The following KCNQ1 variants were observed in gnomAD, a reference collection of about 807,000 sequenced individuals.
KCNQ1 encodes the protein potassium voltage-gated channel subfamily KQT member 1.
In KCNQ1, 49 loss-of-function variants were observed where a neutral mutation model predicts 72.4. That is an observed-to-expected ratio of 0.68 (90% CI 0.54 to 0.86). The LOEUF (loss-of-function observed/expected upper bound fraction) is 0.86, where lower values mean the gene tolerates loss of function less well. Ranked by LOEUF, KCNQ1 falls within the 40% of genes least tolerant of loss-of-function variation. KCNQ1 has a pLI of 0.00. For missense variants in KCNQ1, 790 were observed against 945.1 expected (o/e 0.84, Z 2.15); for synonymous variants, 450 against 412.6 (o/e 1.09, Z -1.10).
chr11:2,814,027 A>T (rs1415436971), intron 15 of KCNQ1, among the ~76,000 whole-genome samples: 1 of 148,190 alleles, frequency 6.7e-6, no homozygotes, highest in Non-Finnish European at 1.5e-5. Context: ...TGATGGATGG[A>T]TGGGTGTGTG....
intron 11 of KCNQ1, among the ~76,000 whole-genome samples, chr11:2,733,006 G>A (rs1784263473): frequency 6.6e-6 from 1 of 152,154 alleles, no homozygotes; most frequent in African/African-American, 2.4e-5. Context: ...GTCCTGGGAA[G>A]AGGGGGTCTG....
chr11:2,797,108 G>A (rs1847151588), intron 15 of KCNQ1, among the ~76,000 whole-genome samples: 1 of 152,158 alleles, frequency 6.6e-6, no homozygotes, highest in Admixed American at 6.5e-5. Flanking sequence ...AGCACCCCAG[G>A]ATTTACGAGG....
intron 1 of KCNQ1, among the ~76,000 whole-genome samples, chr11:2,489,957 A>G (rs1846807478): frequency 6.6e-6 from 1 of 152,086 alleles, no homozygotes; most frequent in African/African-American, 2.4e-5. Flanking sequence ...TAGAGCACCA[A>G]ATGGGCTCTT....
In KCNQ1 at chr11:2,595,572, A is replaced by G. The variant is rs1162952410; in HGVS notation, c.1393+6718A>G. Among the ~76,000 whole-genome samples, 5 of 152,194 alleles carry G rather than the reference A, an allele frequency of 3.3e-5. No individual in the cohort carries two copies. The highest frequency in any genetic ancestry group is 5.9e-5 in the Non-Finnish European group (4 of 68,020). On this transcript the variant is annotated intron_variant, in intron 10 of 15. Coordinates refer to ENST00000155840, the MANE Select transcript of KCNQ1 (RefSeq NM_000218.3). The surrounding 1 kb of genome is among the most constrained non-coding windows in gnomAD (Gnocchi z 5.0). ...CCCGATGACAGTACATCTGTTGACA[A>G]CATGGTTTACTGAATATGTTGAGCC...
At position 2,587,539 on chromosome 11, in the gene KCNQ1, G is replaced by A. The variant is rs1292165735; in HGVS notation, c.1129-31G>A. On this transcript the variant is annotated intron_variant, in intron 8 of 15. Transcript: ENST00000155840. ...AGGGCCCCCGCCGGGTGGCTCAGCA[G>A]GTGACAGCCTGTCCCCCTGCCCGAC... 2.5e-6 allele frequency: 4 copies of A among 1,613,074 alleles called. No individual in the cohort carries two copies. In the Admixed American group the frequency reaches 5.0e-5, roughly 20 times the overall value.
At chr11:2,696,233 T>C (rs1425052204) in intron 11 of KCNQ1, 1 of 398,666 alleles carries the variant, frequency 2.5e-6, no homozygotes, top group Non-Finnish European at 4.4e-6. Context: ...ATTAAACAAA[T>C]GGCAACTACC....
Position 2,613,173 on chromosome 11 carries a change from T to C in KCNQ1, c.1393+24319T>C. On this transcript the variant is annotated intron_variant, in intron 10 of 15. Transcript: ENST00000155840. The surrounding 1 kb of genome is among the most constrained non-coding windows in gnomAD (Gnocchi z 4.8). ...TATGTGTGGGTTGGGACATTCAAAG[T>C]TCAGGCACTTTATAACTCTGTCCTG... is the stretch of plus-strand genomic sequence containing the variant. 1 of 398,572 alleles carries C rather than the reference T, an allele frequency of 2.5e-6. No individual in the cohort carries two copies. The highest frequency in any genetic ancestry group is 4.4e-6 in the Non-Finnish European group (1 of 226,052). The allele number at this position is 398,572 out of a possible 1,614,324, so 24.7% of individuals were successfully genotyped here.
At chr11:2,693,326 C>A (rs1850619467) in intron 11 of KCNQ1, 1 of 398,628 alleles carries the variant, frequency 2.5e-6, no homozygotes, top group Admixed American at 4.4e-5. Flanking sequence ...GCCCTCTCTC[C>A]CTGCCCTGAA....
chr11:2,845,361 C>T (rs34713433), intron 15 of KCNQ1, among the ~76,000 whole-genome samples: 1 of 152,142 alleles, frequency 6.6e-6, no homozygotes, highest in Non-Finnish European at 1.5e-5. Context: ...GACTCTGACC[C>T]TCTTTTCCTG....
chr11:2,501,389 G>T (rs1363456120), intron 1 of KCNQ1, among the ~76,000 whole-genome samples: 1 of 152,048 alleles, frequency 6.6e-6, no homozygotes, highest in Non-Finnish European at 1.5e-5. Context: ...ATTAGTGGCT[G>T]CTATGAGCAA....
intron 11 of KCNQ1, among the ~76,000 whole-genome samples, chr11:2,742,759 C>T (rs372208481): frequency 1.3e-5 from 2 of 152,356 alleles, no homozygotes; most frequent in East Asian, 1.9e-4. Context: ...GACAGCCATG[C>T]GCGGGGGCCC....
At position 2,679,743 on chromosome 11, in the gene KCNQ1, T is replaced by C. The variant is rs771999383; in HGVS notation, c.1514+17662T>C. 1 of 398,582 alleles carries C rather than the reference T, an allele frequency of 2.5e-6. No individual in the cohort carries two copies. The highest frequency in any genetic ancestry group is 4.4e-6 in the Non-Finnish European group (1 of 226,058). 24.7% of individuals were successfully genotyped at this position (398,582 alleles called of 1,614,324 possible). On this transcript the variant is annotated intron_variant, in intron 11 of 15. Transcript: ENST00000155840. This position sits in a 1 kb window ranked among gnomAD's most constrained non-coding sequence, Gnocchi z 4.8. ...CTTGTCCAGATGCTGTGGACAGTGA[T>C]GATGGGAAAATAGTCCCTGCTGCAC...
chr11:2,500,053 C>T (rs1398424784), intron 1 of KCNQ1, among the ~76,000 whole-genome samples: 1 of 152,144 alleles, frequency 6.6e-6, no homozygotes, highest in Non-Finnish European at 1.5e-5. Flanking sequence ...AGTAATTAAA[C>T]AATATGCTCC....
In KCNQ1 at chr11:2,803,073, C is replaced by T. The variant is rs1385961851; in HGVS notation, c.1794+25036C>T. On this transcript the variant is annotated intron_variant, in intron 15 of 15. Transcript: ENST00000155840. This position sits in a 1 kb window ranked among gnomAD's most constrained non-coding sequence, Gnocchi z 6.4. Reference sequence around the variant, plus strand: ...GGGAAGGTGGCAGGATGGGAGTGCCCATCAGCCGGAAGGCCACGGGAGTCA... The same window carrying T: ...GGGAAGGTGGCAGGATGGGAGTGCCTATCAGCCGGAAGGCCACGGGAGTCA... Among the ~76,000 whole-genome samples, 1 of 152,212 alleles carries T rather than the reference C, an allele frequency of 6.6e-6. No individual in the cohort carries two copies. The highest frequency in any genetic ancestry group is 1.5e-5 in the Non-Finnish European group (1 of 68,028).
intron 1 of KCNQ1, among the ~76,000 whole-genome samples, chr11:2,456,653 G>C (rs939538203): frequency 3.3e-5 from 5 of 151,476 alleles, no homozygotes; most frequent in Admixed American, 3.3e-4. Flanking sequence ...CGGGCGCGGT[G>C]GCTCACGCCT....
At chr11:2,825,049 C>A (rs568754453) in intron 15 of KCNQ1, among the ~76,000 whole-genome samples, 67 of 152,338 alleles carry the variant, frequency 4.4e-4, no homozygotes, top group Admixed American at 4.1e-3. Context: ...CATTGGTCTG[C>A]ACATGTGGCT....
rs758972410 is a variant in KCNQ1 at position 2,536,197 on chromosome 11, G to A, written c.477+8179G>A. ...CTCAGGGCAGCAGGGGCGCTCAGCT[G>A]GGCCGCGGCTCCACGGTGTTAAGGG... is the stretch of plus-strand genomic sequence containing the variant. On this transcript the variant is annotated intron_variant, in intron 2 of 15. Transcript: ENST00000155840. The surrounding 1 kb of genome is among the most constrained non-coding windows in gnomAD (Gnocchi z 7.4). Among the ~76,000 whole-genome samples, 2 of 152,380 alleles carry A rather than the reference G, an allele frequency of 1.3e-5. No homozygotes were observed. Among genetic ancestry groups the A allele is most frequent in the African/African-American group, 2.4e-5 (1 of 41,592 alleles).
intron 11 of KCNQ1, among the ~76,000 whole-genome samples, chr11:2,743,849 G>T (rs1846096757): frequency 6.6e-6 from 1 of 152,220 alleles, no homozygotes; most frequent in Admixed American, 6.5e-5. Flanking sequence ...CAGGCAGCGG[G>T]TTCTTCTGGT....
rs1474625698 is a variant in KCNQ1, at chr11:2,682,399, G to A, written c.1514+20318G>A. 2.5e-6 allele frequency: 1 copy of A among 398,644 alleles called. No individual in the cohort carries two copies. The highest frequency in any genetic ancestry group is 3.6e-5 in the East Asian group (1 of 28,078). The allele number at this position is 398,644 out of a possible 1,614,324, so 24.7% of individuals were successfully genotyped here. ...TCAAGGAGCATGAGGGTATAGGCTGGCTGTTTCTATTCAGTGTTTTATCTT... is the reference window on the plus strand; with the variant it reads ...TCAAGGAGCATGAGGGTATAGGCTGACTGTTTCTATTCAGTGTTTTATCTT... On this transcript the variant is annotated intron_variant, in intron 11 of 15. Coordinates refer to ENST00000155840, the MANE Select transcript of KCNQ1 (RefSeq NM_000218.3). The surrounding 1 kb of genome is among the most constrained non-coding windows in gnomAD (Gnocchi z 5.8).
Sources: gnomAD v4.1 joint callset for allele counts (sites outside exome capture counted in the v4.1 genomes callset) on GRCh38, gnomAD v4.1.1 for gene constraint, Gnocchi (gnomAD v3.1) non-coding constraint, MANE v1.5 for transcripts, NCBI Gene and HGNC (gene_info 2026-07-23, HGNC 2026-07-21) for gene names.